The following PIGG variants were observed in gnomAD, a reference collection of about 807,000 sequenced individuals.
PIGG encodes the protein phosphatidylinositol glycan anchor biosynthesis class G (EMM blood group), also known as GPI ethanolamine phosphate transferase 2, catalytic subunit.
PIGG carries 70 observed loss-of-function variants against 83.2 expected under a neutral mutation model. That is an observed-to-expected ratio of 0.84 (90% CI 0.69 to 1.03). The LOEUF is 1.03. Among genes scored for constraint, PIGG ranks in the 50% least tolerant of loss-of-function variants. The pLI, the probability that PIGG is intolerant of heterozygous loss-of-function variation, is 0.00. For synonymous variants in PIGG, 532 were observed against 519.5 expected (o/e 1.02, Z -0.33); for missense variants, 1,257 against 1,233.6 (o/e 1.02, Z -0.28).
At chr4:499,611 C>G in intron 1 of PIGG, 122 bp downstream of exon 1, 3 of 1,425,584 alleles carry the variant, frequency 2.1e-6, no homozygotes, top group Middle Eastern at 2.6e-4. Context: ...CCATTATGGT[C>G]CCCACCTCAG....
chr4:539,431 GAT>G lies in PIGG; in HGVS notation c.*65_*66del. ...AGTCTGCTGTTATTCTAAAATGAAA[GAT>G]ATGAATTCAACAAAGTTGATGGATA... On this transcript the variant is annotated 3_prime_UTR_variant, in exon 13 of 13. Coordinates refer to ENST00000453061, the MANE Select transcript of PIGG (RefSeq NM_001127178.3). The G allele has an allele frequency of 1.9e-6, 2 of 1,032,010 alleles. No homozygotes were observed. The highest frequency in any genetic ancestry group is 1.4e-6 in the Non-Finnish European group (1 of 690,474). The allele number at this position is 1,032,010 out of a possible 1,614,324, so 63.9% of individuals were successfully genotyped here. A position where few individuals can be genotyped will look rare whatever the true frequency, so the allele number is the denominator to read the frequency against.
At chr4:525,089 G>A (rs754783342) in intron 9 of PIGG, 10 of 635,402 alleles carry the variant, frequency 1.6e-5, no homozygotes, top group South Asian at 7.0e-5. Context: ...CAAGGCAGGC[G>A]CAGCCTCTGT....
chr4:518,023 A>G (rs1344904951), intron 6 of PIGG, among the ~76,000 whole-genome samples: 1 of 152,188 alleles, frequency 6.6e-6, no homozygotes, highest in Non-Finnish European at 1.5e-5. Flanking sequence ...TTGCGCTGAG[A>G]TGTAAACCGG....
chr4:508,328 G>A (rs1018277327), intron 4 of PIGG, among the ~76,000 whole-genome samples: 5 of 152,238 alleles, frequency 3.3e-5, no homozygotes, highest in African/African-American at 7.2e-5. Flanking sequence ...GACCAGCAGC[G>A]AGGGTCAGGC....
chr4:530,451 T>A lies in PIGG; in HGVS notation c.2277T>A (p.Ala759=), dbSNP rs778133570. The stretch of plus-strand genomic sequence containing the variant: ...TCTTTTTTAGGGGTATTATTGAAGC[T>A]CGTTTTGTTTATGTCTTTGTCCTTG... ...SKDISKGIIE[A]RFVYVFVLGI... Residue 759 remains alanine (A), a synonymous_variant, in exon 11 of 13, where the codon GCT becomes GCA. Transcript: ENST00000453061. 1 of 1,611,912 alleles carries A rather than the reference T, an allele frequency of 6.2e-7. No individual in the cohort carries two copies.
intron 10 of PIGG, 98 bp downstream of exon 10, chr4:527,328 T>C: frequency 9.7e-6 from 14 of 1,438,516 alleles, no homozygotes; most frequent in Non-Finnish European, 1.3e-5. Context: ...TTTGATGAAC[T>C]GAGAAGACCA....
At chr4:508,748 TA>T in intron 4 of PIGG, 80 bp from the exon 5 acceptor site, 2 of 1,374,368 alleles carry the variant, frequency 1.5e-6, no homozygotes, top group Non-Finnish European at 2.0e-6. Flanking sequence ...AAAGTAAAGC[TA>T]AAACCGAAAA....
rs1452770182 is a variant in PIGG at position 516,170 on chromosome 4, C to T, written c.1099C>T (p.Pro367Ser). 9 of 1,612,344 alleles carry T rather than the reference C, an allele frequency of 5.6e-6. No homozygotes were observed. The highest frequency in any genetic ancestry group is 6.8e-6 in the Non-Finnish European group (8 of 1,178,358). Residue 367 changes from proline to serine, a missense_variant, in exon 6 of 13, where the codon CCG becomes TCG. Coordinates refer to ENST00000453061, the MANE Select transcript of PIGG (RefSeq NM_001127178.3). ...TAGTAAACTGTTGCAAGAGAATGTG[C>T]CGTCATATGAAAAAGGTCAGTCAAC... The part of the protein sequence containing the change: ...QLSKLLQENV[P>S]SYEKDPGFEQ...
Position 500,398 on chromosome 4 carries a change from G to A in PIGG, c.157G>A (p.Ala53Thr). Residue 53 changes from alanine to threonine, a missense_variant and splice_region_variant, in exon 2 of 13, where the codon GCC becomes ACC. Ala to Thr is a moderately conservative substitution (Grantham distance 58). Coordinates refer to ENST00000453061, the MANE Select transcript of PIGG (RefSeq NM_001127178.3). ...EPPAPEPSAG[A>T]SSNWTTLPPP... ...TTTTTTTTCTTTCAAACACTTAGGA[G>A]CCAGTTCTAACTGGACCACGCTGCC... The A allele has an allele frequency of 6.2e-7, 1 of 1,611,366 alleles. No individual in the cohort carries two copies. The highest frequency in any genetic ancestry group is 1.3e-5 in the African/African-American group (1 of 74,934).
chr4:512,981 G>T (rs1722688908), intron 5 of PIGG, among the ~76,000 whole-genome samples: 1 of 152,194 alleles, frequency 6.6e-6, no homozygotes, highest in Admixed American at 6.5e-5. Context: ...GGAGCTGGGG[G>T]AAAGGGAGCT....
At chr4:503,146 C>T (rs1258402917) in intron 2 of PIGG, among the ~76,000 whole-genome samples, 2 of 152,112 alleles carry the variant, frequency 1.3e-5, no homozygotes, top group Admixed American at 6.5e-5. Context: ...ACGAGGTGAA[C>T]AGGTGCTCTT....
chr4:518,816 C>T (rs1424017878), intron 6 of PIGG, among the ~76,000 whole-genome samples: 1 of 152,020 alleles, frequency 6.6e-6, no homozygotes, highest in Non-Finnish European at 1.5e-5. Flanking sequence ...ATCCTTTTTC[C>T]TAAAACAAAA....
intron 1 of PIGG, 135 bp downstream of exon 1, chr4:499,624 A>AT (rs1303866622): frequency 7.1e-6 from 10 of 1,416,762 alleles, no homozygotes; most frequent in Middle Eastern, 2.6e-4. Context: ...CACCTCAGAA[A>AT]TTTTTTTTAA....
chr4:500,995 G>A, intron 2 of PIGG: 1 of 395,372 alleles, frequency 2.5e-6, no homozygotes, highest in Non-Finnish European at 4.9e-6. Flanking sequence ...AGCAAACTCA[G>A]ATAAGTTAAA....
chr4:535,297 C>T (rs1730210409), intron 12 of PIGG, among the ~76,000 whole-genome samples: 1 of 152,218 alleles, frequency 6.6e-6, no homozygotes, highest in East Asian at 1.9e-4. Context: ...CGTTCACAGC[C>T]TTTGGAGGGG....
intron 2 of PIGG, 87 bp downstream of exon 2, chr4:500,688 C>T: frequency 1.2e-6 from 1 of 855,022 alleles, no homozygotes; most frequent in Non-Finnish European, 1.9e-6. Flanking sequence ...CTTGGAGTTG[C>T]AATTTTAAGA....
chr4:524,085 A>G (rs553201259), intron 9 of PIGG, among the ~76,000 whole-genome samples, 172 bp downstream of exon 9: 2 of 152,390 alleles, frequency 1.3e-5, no homozygotes, highest in East Asian at 3.9e-4. Context: ...GGATACTAGA[A>G]TCAATGTTGA....
intron 6 of PIGG, 71 bp downstream of exon 6, chr4:516,256 G>GT: frequency 3.0e-6 from 3 of 984,370 alleles, no homozygotes; most frequent in Non-Finnish European, 4.9e-6. Context: ...TCTCCGATGT[G>GT]TTTCTGTGGT....
At position 533,070 on chromosome 4, in the gene PIGG, GTC is replaced by G. The variant is rs1181900239; in HGVS notation, c.2572-743_2572-742del. 7.2e-5 allele frequency: 11 copies of G among 153,212 alleles called. No individual in the cohort carries two copies. The East Asian group carries it at 1.9e-3, about 27-fold the overall frequency. 9.5% of individuals were successfully genotyped at this position (153,212 alleles called of 1,614,324 possible). On this transcript the variant is annotated intron_variant, in intron 11 of 12. Coordinates refer to ENST00000453061, the MANE Select transcript of PIGG (RefSeq NM_001127178.3). Reference sequence around the variant, plus strand: ...GGCGGGGCCTGCGCAGAGAGGCAGGGTCTCTCAGAAGACCCCTTTTTGGGATC... The same window carrying G: ...GGCGGGGCCTGCGCAGAGAGGCAGGGTCTCAGAAGACCCCTTTTTGGGATC...
Sources: gnomAD v4.1 joint callset for allele counts (sites outside exome capture counted in the v4.1 genomes callset) on GRCh38, gnomAD v4.1.1 for gene constraint, MANE v1.5 for transcripts, NCBI Gene and HGNC (gene_info 2026-07-23, HGNC 2026-07-21) for gene names.